KDM1A: variants seen among roughly 807,000 people sequenced by gnomAD.
KDM1A encodes the protein lysine-specific histone demethylase 1A.
A neutral mutation model predicts 109.4 loss-of-function variants in KDM1A; 49 were observed. The observed-to-expected ratio is 0.45, with a 90% CI of 0.36 to 0.57. KDM1A has a LOEUF of 0.57. Ranked by LOEUF, KDM1A falls within the 20% of genes least tolerant of loss-of-function variation. KDM1A has a pLI of 0.00. For synonymous variants in KDM1A, 380 were observed against 415.4 expected (o/e 0.91, Z 1.04); for missense variants, 668 against 1,116.6 (o/e 0.60, Z 5.73).
chr1:23,033,960 A>G (rs1417677004), intron 2 of KDM1A, among the ~76,000 whole-genome samples: 1 of 152,236 alleles, frequency 6.6e-6, no homozygotes, highest in Non-Finnish European at 1.5e-5. Flanking sequence ...GTCAATGGAA[A>G]AATGTTCTTA....
chr1:23,042,545 C>T (rs1370567458), intron 2 of KDM1A, among the ~76,000 whole-genome samples: 13 of 142,948 alleles, frequency 9.1e-5, no homozygotes, highest in South Asian at 4.5e-4. Flanking sequence ...CTCCGCCTCC[C>T]GGGTTCACGC....
At chr1:23,038,123 G>A (rs535287691) in intron 2 of KDM1A, among the ~76,000 whole-genome samples, 22 of 152,128 alleles carry the variant, frequency 1.4e-4, no homozygotes, top group African/African-American at 5.1e-4. Flanking sequence ...TTTTATTTAG[G>A]AAAAAAATCA....
intron 1 of KDM1A, among the ~76,000 whole-genome samples, chr1:23,022,297 GT>G (rs1641656191): frequency 6.7e-6 from 1 of 150,250 alleles, no homozygotes; most frequent in Admixed American, 6.7e-5. Flanking sequence ...ATATATGAGG[GT>G]TCCAGTTTCT....
chr1:23,039,791 G>A (rs566378489), intron 2 of KDM1A, among the ~76,000 whole-genome samples: 42 of 152,270 alleles, frequency 2.8e-4, no homozygotes, highest in Admixed American at 2.5e-3. Context: ...GACTGTGTCA[G>A]CTTCTCGTTT....
At chr1:23,055,825 C>T (rs529676932) in intron 6 of KDM1A, 107 bp from the exon 7 acceptor site, 2 of 513,888 alleles carry the variant, frequency 3.9e-6, no homozygotes, top group Non-Finnish European at 3.4e-6. Flanking sequence ...GTATTTTTTA[C>T]TTTGTAAGCT....
At chr1:23,082,004 A>C in intron 19 of KDM1A, 7 of 368,856 alleles carry the variant, frequency 1.9e-5, no homozygotes, top group South Asian at 1.2e-4. Context: ...CTGGATTCAT[A>C]GACAGGAAGG....
chr1:23,025,329 A>ATT (rs35274209), intron 1 of KDM1A, among the ~76,000 whole-genome samples: 11 of 128,988 alleles, frequency 8.5e-5, no homozygotes, highest in South Asian at 7.3e-4. Context: ...AAGATGAAAG[A>ATT]TTTTTTTTTT....
intron 12 of KDM1A, 111 bp from the exon 13 acceptor site, chr1:23,071,114 A>T: frequency 1.3e-6 from 1 of 771,900 alleles, no homozygotes; most frequent in Non-Finnish European, 2.1e-6. Flanking sequence ...CTTGCATTGT[A>T]GCCCTGTTTT....
chr1:23,066,012 G>A, intron 9 of KDM1A, 48 bp from the exon 10 acceptor site: 1 of 1,602,172 alleles, frequency 6.2e-7, no homozygotes, highest in Non-Finnish European at 8.5e-7. Context: ...TGTGGCTGTT[G>A]GGCTGTTATT....
At chr1:23,032,359 T>G (rs565137458) in intron 2 of KDM1A, among the ~76,000 whole-genome samples, 2 of 140,082 alleles carry the variant, frequency 1.4e-5, no homozygotes, top group Admixed American at 1.4e-4. Context: ...TTCTGAAAGC[T>G]TTTTTTTTTT....
intron 1 of KDM1A, chr1:23,020,161 C>T (rs1263751167): frequency 4.4e-6 from 2 of 452,204 alleles, no homozygotes; most frequent in Non-Finnish European, 7.5e-6. Context: ...TGCTGGGTCC[C>T]GAGCGACGTG....
rs1643685228 is a variant in KDM1A at position 23,083,586 on chromosome 1, A to G, written c.*222A>G. ...GTTTGGAATTGTGTTCTTCGTAAAGACTGAGGCAAGCAAGTGCTGTGAAAT... is the reference window on the plus strand; with the variant it reads ...GTTTGGAATTGTGTTCTTCGTAAAGGCTGAGGCAAGCAAGTGCTGTGAAAT... On this transcript the variant is annotated 3_prime_UTR_variant, in exon 21 of 21. Coordinates refer to ENST00000400181, the MANE Select transcript of KDM1A (RefSeq NM_001009999.3). 3 of 409,220 alleles carry G rather than the reference A, an allele frequency of 7.3e-6. No individual in the cohort carries two copies. The South Asian group carries it at 2.3e-4, about 31-fold the overall frequency. The allele number at this position is 409,220 out of a possible 1,614,324, so 25.3% of individuals were successfully genotyped here. A position where few individuals can be genotyped will look rare whatever the true frequency, so the allele number is the denominator to read the frequency against.
intron 12 of KDM1A, 128 bp downstream of exon 12, chr1:23,069,279 CTTAAGAAAATAATGACTA>C (rs1643250282): frequency 1.8e-6 from 1 of 557,154 alleles, no homozygotes; most frequent in East Asian, 3.1e-5. Flanking sequence ...GGGACTCATT[CTTAAGAAAATAATGACTA>C]ACGAAAGAGA....
Position 23,069,032 on chromosome 1 carries a change from G to A in KDM1A, c.1323-29G>A, listed in dbSNP as rs377327734. The A allele has an allele frequency of 1.1e-5, 16 of 1,512,216 alleles. No homozygotes were observed. In the African/African-American group the frequency reaches 1.8e-4, roughly 17 times the overall value. 93.7% of individuals were successfully genotyped at this position (1,512,216 alleles called of 1,614,324 possible). A position where few individuals can be genotyped will look rare whatever the true frequency, so the allele number is the denominator to read the frequency against. On this transcript the variant is annotated intron_variant, in intron 11 of 20. Transcript: ENST00000400181. ...TCTTATTCTGCAAAGTTGGCTTTGA[G>A]AGCAGATTATACATATTGTCTCTCT... is the stretch of plus-strand genomic sequence containing the variant.
At chr1:23,063,777 G>A (rs532028310) in intron 9 of KDM1A, among the ~76,000 whole-genome samples, 1 of 152,290 alleles carries the variant, frequency 6.6e-6, no homozygotes, top group African/African-American at 2.4e-5. Flanking sequence ...GAACTACTTA[G>A]ACATGTTGTG....
At chr1:23,061,409 C>T (rs1230867625) in intron 9 of KDM1A, among the ~76,000 whole-genome samples, 3 of 152,092 alleles carry the variant, frequency 2.0e-5, no homozygotes, top group African/African-American at 4.8e-5. Context: ...TTTTTCCCAA[C>T]GAAATTGGTA....
intron 10 of KDM1A, 93 bp downstream of exon 10, chr1:23,066,164 C>T: frequency 1.2e-6 from 1 of 858,314 alleles, no homozygotes; most frequent in Admixed American, 2.1e-5. Context: ...TTCAAAGATC[C>T]TCTCCATCAT....
chr1:23,080,782 T>G (rs553715232), intron 18 of KDM1A: 4 of 152,228 alleles, frequency 2.6e-5, no homozygotes, highest in African/African-American at 9.7e-5. Flanking sequence ...TTTCAAAGTA[T>G]TTCAAAGACG....
chr1:23,030,153 A>G (rs1044244876), intron 1 of KDM1A, among the ~76,000 whole-genome samples: 11 of 152,214 alleles, frequency 7.2e-5, no homozygotes, highest in Non-Finnish European at 1.5e-4. Flanking sequence ...TTTGTTGGAA[A>G]TTCCAGTATG....
Sources: gnomAD v4.1 joint callset for allele counts (sites outside exome capture counted in the v4.1 genomes callset) on GRCh38, gnomAD v4.1.1 for gene constraint, MANE v1.5 for transcripts, NCBI Gene and HGNC (gene_info 2026-07-23, HGNC 2026-07-21) for gene names.